Variants in PRKCB observed in about 807,000 individuals in gnomAD.
The protein encoded by PRKCB is protein kinase C beta type.
In PRKCB, 13 loss-of-function variants were observed where a neutral mutation model predicts 81.5. The observed-to-expected ratio is 0.16, with a 90% CI of 0.10 to 0.25. The LOEUF (loss-of-function observed/expected upper bound fraction) is 0.25. PRKCB is among the 10% of genes least tolerant of loss of function. The probability of loss-of-function intolerance (pLI) is 1.00; values close to 1 mark genes in which losing one functional copy is unlikely to be tolerated. For missense variants in PRKCB, 509 were observed against 875.7 expected, an observed-to-expected ratio of 0.58 and a Z score of 5.29; for synonymous variants, 335 against 321.4, an observed-to-expected ratio of 1.04 and a Z score of -0.45.
intron 2 of PRKCB, among the ~76,000 whole-genome samples, chr16:23,924,530 C>A (rs1025777553): frequency 1.3e-5 from 2 of 152,026 alleles, no homozygotes; most frequent in East Asian, 1.9e-4. Context: ...TTCTTGTTAA[C>A]CATCTAGTTT....
At chr16:24,196,934 T>C (rs563327211) in intron 16 of PRKCB, among the ~76,000 whole-genome samples, 1 of 152,282 alleles carries the variant, frequency 6.6e-6, no homozygotes, top group East Asian at 1.9e-4. Context: ...CTGGCCAGCA[T>C]GTGGTAGGAG....
chr16:24,033,663 G>A (rs1032174298), intron 4 of PRKCB, among the ~76,000 whole-genome samples: 15 of 152,184 alleles, frequency 9.9e-5, no homozygotes, highest in Non-Finnish European at 1.9e-4. Context: ...TTGGGAGGCT[G>A]AGGCAGGAAA....
In PRKCB at chr16:24,035,365, G is replaced by A. The variant is rs964277338; in HGVS notation, c.401-54G>A. ...GCGGTCTTGGGTGGGGCAGATGTCT[G>A]CAGCCCCCAGCCTGGGCCAGCCTAA... On this transcript the variant is annotated intron_variant, in intron 4 of 16. Coordinates refer to ENST00000643927, the MANE Select transcript of PRKCB (RefSeq NM_002738.7). 5 of 1,588,292 alleles carry A rather than the reference G, an allele frequency of 3.1e-6. No homozygotes were observed. In the Admixed American group the frequency reaches 8.6e-5, roughly 27 times the overall value.
chr16:23,977,303 T>C (rs1567332013), intron 2 of PRKCB, among the ~76,000 whole-genome samples: 1 of 151,980 alleles, frequency 6.6e-6, no homozygotes, highest in Non-Finnish European at 1.5e-5. Context: ...GTGGTGGAGG[T>C]GCGTTCAGAG....
chr16:23,843,552 G>A (rs1002610557), intron 2 of PRKCB, among the ~76,000 whole-genome samples: 2 of 152,066 alleles, frequency 1.3e-5, no homozygotes, highest in African/African-American at 4.8e-5. Flanking sequence ...TTGTTGGAGA[G>A]GCAACAACGA....
intron 2 of PRKCB, among the ~76,000 whole-genome samples, chr16:23,915,153 A>G (rs3785394): frequency 0.35 from 53,364 of 152,010 alleles, 9,635 homozygotes; most frequent in South Asian, 0.54. Context: ...CCTTAGACTA[A>G]TGCAGTTTTA....
At chr16:24,163,874 C>A (rs963256389) in intron 10 of PRKCB, among the ~76,000 whole-genome samples, 2 of 152,192 alleles carry the variant, frequency 1.3e-5, no homozygotes, top group African/African-American at 4.8e-5. Flanking sequence ...GAGCAAGTAT[C>A]CAGTATAACT....
Position 24,217,851 on chromosome 16 carries a change from TA to T in PRKCB, c.*3036del. ...CACTGTCCTGGAGTTCTCAGACCTTTAGGGGCCCTAACACAGTTCAGTTCAT... is the reference window on the plus strand; with the variant it reads ...CACTGTCCTGGAGTTCTCAGACCTTTGGGGCCCTAACACAGTTCAGTTCAT... On this transcript the variant is annotated 3_prime_UTR_variant, in exon 17 of 17. Coordinates refer to ENST00000643927, the MANE Select transcript of PRKCB (RefSeq NM_002738.7). 3.0e-6 allele frequency: 3 copies of T among 985,446 alleles called. No homozygotes were observed. Among genetic ancestry groups the T allele is most frequent in the Non-Finnish European group, 3.6e-6 (3 of 829,948 alleles). 61.0% of individuals were successfully genotyped at this position (985,446 alleles called of 1,614,324 possible).
chr16:24,175,437 T>A (rs533806178), intron 12 of PRKCB, among the ~76,000 whole-genome samples: 2 of 151,896 alleles, frequency 1.3e-5, no homozygotes, highest in Non-Finnish European at 2.9e-5. Flanking sequence ...ATGAAACCCC[T>A]TGCCCCCGTG....
intron 8 of PRKCB, among the ~76,000 whole-genome samples, chr16:24,115,814 C>T (rs930002739): frequency 1.3e-5 from 2 of 152,028 alleles, no homozygotes; most frequent in African/African-American, 2.4e-5. Flanking sequence ...CAAGCTCCAC[C>T]TCCTGGGTTC....
intron 3 of PRKCB, among the ~76,000 whole-genome samples, chr16:24,027,354 A>G (rs1008821646): frequency 6.6e-6 from 1 of 152,226 alleles, no homozygotes; most frequent in African/African-American, 2.4e-5. Context: ...GGCACAGAGC[A>G]GGGGGACTCT....
chr16:23,969,372 A>G (rs1043821710), intron 2 of PRKCB, among the ~76,000 whole-genome samples: 2 of 152,166 alleles, frequency 1.3e-5, no homozygotes, highest in Non-Finnish European at 2.9e-5. Context: ...GGCCTTGTAC[A>G]GTATGCACTA....
intron 5 of PRKCB, among the ~76,000 whole-genome samples, chr16:24,089,438 T>A (rs11643939): frequency 0.031 from 4,706 of 152,208 alleles, 122 homozygotes; most frequent in Non-Finnish European, 0.041. Flanking sequence ...CCATTTGATG[T>A]CAGTACGTGT....
At chr16:23,880,816 A>G (rs954645165) in intron 2 of PRKCB, among the ~76,000 whole-genome samples, 3 of 152,146 alleles carry the variant, frequency 2.0e-5, no homozygotes, top group Admixed American at 6.5e-5. Flanking sequence ...ATACCTTGCT[A>G]TCTACCCATG....
intron 16 of PRKCB, among the ~76,000 whole-genome samples, chr16:24,202,569 C>G (rs1397858230): frequency 6.6e-6 from 1 of 152,210 alleles, no homozygotes; most frequent in Non-Finnish European, 1.5e-5. Flanking sequence ...ACCCATGGCT[C>G]CTAGCTAGGC....
At chr16:23,894,529 T>C (rs74014173) in intron 2 of PRKCB, among the ~76,000 whole-genome samples, 2,065 of 152,284 alleles carry the variant, frequency 0.014, 39 homozygotes, top group African/African-American at 0.048. Context: ...AATAATATTA[T>C]TGCTTTTGAA....
chr16:23,912,507 C>CTTTTTTTTTTTTTTTTTTTTTTTT (rs1210105406), intron 2 of PRKCB, among the ~76,000 whole-genome samples: 1 of 72,086 alleles, frequency 1.4e-5, no homozygotes, highest in Non-Finnish European at 2.4e-5. Context: ...TTTCTTTCTT[C>CTTTTTTTTTTTTTTTTTTTTTTTT]TTTTTTTTTT....
rs1555494731 is a variant in PRKCB at position 24,068,486 on chromosome 16, A to AAAAAC, written c.530-24301_530-24300insCAAAA. Among the ~76,000 whole-genome samples the AAAAAC allele has an allele frequency of 4.4e-3, 656 of 149,972 alleles. 9 individuals carry two copies. The highest frequency in any genetic ancestry group is 0.016 in the African/African-American group (629 of 40,154). ...GATTTATGGCCCAAAGGAAAAAAAA[A>AAAAAC]AAAAAACCACACACAGAATATTGGA... On this transcript the variant is annotated intron_variant, in intron 5 of 16. Coordinates refer to ENST00000643927, the MANE Select transcript of PRKCB (RefSeq NM_002738.7).
chr16:24,135,698 C>A (rs577049804), intron 9 of PRKCB, among the ~76,000 whole-genome samples: 1 of 152,138 alleles, frequency 6.6e-6, no homozygotes, highest in East Asian at 1.9e-4. Flanking sequence ...CAGCTTAGTT[C>A]ATGCCAGGAA....
Sources: gnomAD v4.1 joint callset for allele counts (sites outside exome capture counted in the v4.1 genomes callset) on GRCh38, gnomAD v4.1.1 for gene constraint, MANE v1.5 for transcripts, NCBI Gene and HGNC (gene_info 2026-07-23, HGNC 2026-07-21) for gene names.